The following IL1RAP variants were observed in gnomAD, a reference collection of about 807,000 sequenced individuals.
IL1RAP encodes interleukin-1 receptor accessory protein.
Under a neutral mutation model 60.7 loss-of-function variants are expected in IL1RAP, and 35 were observed. The ratio of observed to expected loss-of-function variants is 0.58; its 90% CI spans 0.44 to 0.76. The LOEUF is 0.76. Among genes scored for constraint, IL1RAP ranks in the 30% least tolerant of loss-of-function variants. The pLI, the probability that IL1RAP is intolerant of heterozygous loss-of-function variation, is 0.00. For missense variants in IL1RAP, 572 were observed against 693.9 expected (o/e 0.82, Z 1.97); for synonymous variants, 268 against 250.9 (o/e 1.07, Z -0.64).
intron 5 of IL1RAP, among the ~76,000 whole-genome samples, chr3:190,619,438 A>T (rs1271051653): frequency 6.6e-6 from 1 of 152,200 alleles, no homozygotes; most frequent in African/African-American, 2.4e-5. Flanking sequence ...ACTCAGTTAT[A>T]AAAATGGGAT....
chr3:190,647,775 G>A (rs1206113073), intron 11 of IL1RAP, among the ~76,000 whole-genome samples: 1 of 152,216 alleles, frequency 6.6e-6, no homozygotes, highest in Non-Finnish European at 1.5e-5. Flanking sequence ...TGATGTTAGA[G>A]TCAGAGAGGT....
At chr3:190,562,080 G>T (rs1424051063) in intron 2 of IL1RAP, among the ~76,000 whole-genome samples, 1 of 152,148 alleles carries the variant, frequency 6.6e-6, no homozygotes, top group Non-Finnish European at 1.5e-5. Context: ...ATCTTCTGTA[G>T]TTCTTTTTCT....
At chr3:190,610,388 A>C (rs931049105) in intron 5 of IL1RAP, among the ~76,000 whole-genome samples, 11 of 152,064 alleles carry the variant, frequency 7.2e-5, no homozygotes, top group Non-Finnish European at 1.6e-4. Flanking sequence ...ATATAACTCC[A>C]TACAAACTTA....
Position 190,649,206 on chromosome 3 carries a change from A to T in IL1RAP, c.*501A>T, listed in dbSNP as rs1224118426. On this transcript the variant is annotated 3_prime_UTR_variant, in exon 12 of 12. Coordinates refer to ENST00000447382, the MANE Select transcript of IL1RAP (RefSeq NM_002182.4). ...AACTTTTTTCCTCATTCGGCTGTAT[A>T]ATACATAACCACAGCAAGACTGACA... 1.0e-6 allele frequency: 1 copy of T among 986,604 alleles called. No homozygotes were observed. Among genetic ancestry groups the T allele is most frequent in the East Asian group, 1.1e-4 (1 of 8,834 alleles). The allele number at this position is 986,604 out of a possible 1,614,324, so 61.1% of individuals were successfully genotyped here.
At chr3:190,579,485 G>A (rs959898774) in intron 3 of IL1RAP, among the ~76,000 whole-genome samples, 3 of 152,132 alleles carry the variant, frequency 2.0e-5, no homozygotes, top group Non-Finnish European at 4.4e-5. Context: ...TTTGCATATA[G>A]GAAGTAGAAC....
chr3:190,629,815 A>G, intron 9 of IL1RAP: 2 of 1,028,928 alleles, frequency 1.9e-6, no homozygotes, highest in Non-Finnish European at 2.3e-6. Flanking sequence ...AAGCTACCAA[A>G]GATAGAAAAA....
chr3:190,576,479 T>C (rs1727460763), intron 3 of IL1RAP, among the ~76,000 whole-genome samples: 1 of 152,114 alleles, frequency 6.6e-6, no homozygotes, highest in East Asian at 1.9e-4. Context: ...AATTGATCAG[T>C]CTAAAAAGAA....
rs1291123357 is a variant in IL1RAP, at chr3:190,649,067, A to T, written c.*362A>T. The T allele has an allele frequency of 2.0e-6, 2 of 997,498 alleles. No individual in the cohort carries two copies. The highest frequency in any genetic ancestry group is 1.2e-4 in the Admixed American group (2 of 17,352). The allele number at this position is 997,498 out of a possible 1,614,324, so 61.8% of individuals were successfully genotyped here. On this transcript the variant is annotated 3_prime_UTR_variant, in exon 12 of 12. Transcript: ENST00000447382. ...TCCTATGAATTTAAATATGCCTTTA[A>T]AATAAGTCACTGTTGACAGGGTCAT...
At chr3:190,642,729 A>G (rs79583721) in intron 9 of IL1RAP, among the ~76,000 whole-genome samples, 5,279 of 152,196 alleles carry the variant, frequency 0.035, 297 homozygotes, top group African/African-American at 0.12. Context: ...ATTTCTTTAC[A>G]TATTTACTGC....
At chr3:190,535,385 A>G (rs947099179) in intron 1 of IL1RAP, among the ~76,000 whole-genome samples, 1 of 152,184 alleles carries the variant, frequency 6.6e-6, no homozygotes, top group Non-Finnish European at 1.5e-5. Flanking sequence ...AAGCAAGGAG[A>G]TTTGCTAGTT....
chr3:190,604,499 G>C (rs1274724459), intron 4 of IL1RAP, 86 bp downstream of exon 4: 50 of 1,378,510 alleles, frequency 3.6e-5, no homozygotes, highest in Non-Finnish European at 4.9e-5. Context: ...GGAAGCTGGG[G>C]AGAAGTCGGA....
intron 3 of IL1RAP, chr3:190,564,804 G>A (rs1560173036): frequency 5.7e-6 from 1 of 174,710 alleles, no homozygotes; most frequent in South Asian, 1.3e-4. Context: ...GAAAAAGAAA[G>A]GATCTGTCTT....
chr3:190,602,868 A>C lies in IL1RAP; in HGVS notation c.65-1260A>C, dbSNP rs1161675120. On this transcript the variant is annotated intron_variant, in intron 3 of 11. Transcript: ENST00000447382. ...CATATGTTAGGGACATGAGGAAAAA[A>C]CTACTTTAAGGTGATGGTTTTGTGG... Among the ~76,000 whole-genome samples the C allele has an allele frequency of 2.0e-5, 3 of 152,162 alleles. No homozygotes were observed. The South Asian group carries it at 6.2e-4, about 32-fold the overall frequency.
intron 1 of IL1RAP, among the ~76,000 whole-genome samples, chr3:190,546,229 A>G (rs1724360323): frequency 1.3e-5 from 2 of 152,262 alleles, no homozygotes; most frequent in South Asian, 2.1e-4. Flanking sequence ...TCTCTGTTCT[A>G]TAGATCAGTG....
Position 190,564,273 on chromosome 3 carries a change from G to A in IL1RAP, c.-1-16G>A. On this transcript the variant is annotated splice_polypyrimidine_tract_variant and intron_variant, in intron 2 of 11. Coordinates refer to ENST00000447382, the MANE Select transcript of IL1RAP (RefSeq NM_002182.4). ...GTAGTAAGTGATTTCCCTTACCTTTGTATTTATGGTTACAGGATGACACTT... is the reference window on the plus strand; with the variant it reads ...GTAGTAAGTGATTTCCCTTACCTTTATATTTATGGTTACAGGATGACACTT... 1 of 1,571,618 alleles carries A rather than the reference G, an allele frequency of 6.4e-7. No homozygotes were observed. The highest frequency in any genetic ancestry group is 8.8e-7 in the Non-Finnish European group (1 of 1,141,588).
chr3:190,566,374 T>C (rs1028932764), intron 3 of IL1RAP, among the ~76,000 whole-genome samples: 4 of 152,122 alleles, frequency 2.6e-5, no homozygotes, highest in African/African-American at 9.7e-5. Flanking sequence ...GGTGACTGTG[T>C]TACCATTGCT....
intron 1 of IL1RAP, among the ~76,000 whole-genome samples, chr3:190,528,661 G>T (rs1722715917): frequency 6.6e-6 from 1 of 151,880 alleles, no homozygotes; most frequent in Non-Finnish European, 1.5e-5. Flanking sequence ...CATACACAGG[G>T]GTTTATAATA....
At chr3:190,566,619 T>C (rs775274850) in intron 3 of IL1RAP, among the ~76,000 whole-genome samples, 15 of 152,130 alleles carry the variant, frequency 9.9e-5, no homozygotes, top group Non-Finnish European at 1.9e-4. Context: ...TGCGTCACCG[T>C]GGGAGCAGGA....
At position 190,561,200 on chromosome 3, in the gene IL1RAP, G is replaced by A. The variant is rs540139787; in HGVS notation, c.-1-3089G>A. Reference sequence around the variant, plus strand: ...ACCCAGCACCCTCTCACTCTAAGACGCAACAACCAAAAGTGTATTACTCTT... The same window carrying A: ...ACCCAGCACCCTCTCACTCTAAGACACAACAACCAAAAGTGTATTACTCTT... On this transcript the variant is annotated intron_variant, in intron 2 of 11. Transcript: ENST00000447382. Among the ~76,000 whole-genome samples the A allele has an allele frequency of 3.9e-5, 6 of 152,064 alleles. No homozygotes were observed. In the South Asian group the frequency reaches 8.3e-4, roughly 21 times the overall value.
Sources: allele counts gnomAD v4.1 joint callset (sites outside exome capture counted in the v4.1 genomes callset), GRCh38; gene constraint gnomAD v4.1.1; transcripts MANE v1.5; gene names NCBI Gene and HGNC (gene_info 2026-07-23, HGNC 2026-07-21).